Variants in COL13A1 observed in about 807,000 individuals in gnomAD.
The protein encoded by COL13A1 is collagen type XIII alpha 1 chain, also known as collagen alpha-1(XIII) chain.
A neutral mutation model predicts 130.9 loss-of-function variants in COL13A1; 89 were observed. The observed-to-expected ratio is 0.68, with a 90% confidence interval of 0.57 to 0.81. The LOEUF is 0.81. COL13A1 is among the 30% of genes least tolerant of loss of function. The pLI is 0.00. For synonymous variants in COL13A1, 402 were observed against 341.6 expected, an observed-to-expected ratio of 1.18 and a Z score of -1.95; for missense variants, 879 against 934.6, an observed-to-expected ratio of 0.94 and a Z score of 0.78.
intron 1 of COL13A1, among the ~76,000 whole-genome samples, chr10:69,813,845 G>A (rs551413444): frequency 8.0e-4 from 122 of 152,312 alleles, no homozygotes; most frequent in Non-Finnish European, 1.4e-3. Context: ...TGTAGCCCAT[G>A]GGGCCAGCAC....
chr10:69,873,724 G>A (rs769520043), intron 4 of COL13A1, among the ~76,000 whole-genome samples: 27 of 152,354 alleles, frequency 1.8e-4, no homozygotes, highest in Non-Finnish European at 2.9e-4. Context: ...GGGGTCCTTC[G>A]CAGGCAGAGC....
intron 36 of COL13A1, among the ~76,000 whole-genome samples, chr10:69,944,676 AAAAGAAAAAGAAAGAAAG>A (rs1415871843): frequency 7.9e-5 from 12 of 151,464 alleles, no homozygotes; most frequent in Non-Finnish European, 1.2e-4. Flanking sequence ...AAAAAAATGA[AAAAGAAAAAGAAAGAAAG>A]AAAGAAAAAG....
chr10:69,887,640 C>G lies in COL13A1; in HGVS notation c.549+149C>G, dbSNP rs538341590. 1.1e-4 allele frequency: 83 copies of G among 769,044 alleles called. No individual in the cohort carries two copies. In the East Asian group the frequency reaches 2.1e-3, roughly 20 times the overall value. 47.6% of individuals were successfully genotyped at this position (769,044 alleles called of 1,614,324 possible). The stretch of plus-strand genomic sequence containing the variant: ...TGCTTCTACAGCCATTCATGGACAC[C>G]AACTCAGGACAGTAGCTCAGCAGTC... On this transcript the variant is annotated intron_variant, in intron 8 of 40. Coordinates refer to ENST00000645393, the MANE Select transcript of COL13A1 (RefSeq NM_001368882.1).
chr10:69,866,854 G>C (rs1426232528), intron 2 of COL13A1, among the ~76,000 whole-genome samples: 1 of 152,106 alleles, frequency 6.6e-6, no homozygotes, highest in Admixed American at 6.5e-5. Context: ...TATTGGCCGA[G>C]CATAAAAGAA....
chr10:69,871,338 A>G (rs2059044500), intron 3 of COL13A1, among the ~76,000 whole-genome samples: 1 of 152,108 alleles, frequency 6.6e-6, no homozygotes, highest in Admixed American at 6.5e-5. Flanking sequence ...CACATTGCTG[A>G]GGCACTGGGG....
Position 69,927,150 on chromosome 10 carries a change from G to C in COL13A1, c.1422+40G>C, listed in dbSNP as rs567626075. 26 of 841,182 alleles carry C rather than the reference G, an allele frequency of 3.1e-5. No homozygotes were observed. The East Asian group carries it at 8.8e-4, about 29-fold the overall frequency. The allele number at this position is 841,182 out of a possible 1,614,324, so 52.1% of individuals were successfully genotyped here. ...TCCTGGCTTTCCTTGGGCACTGGAC[G>C]GGGGGGCTGGGGATGGCAGCCTGGA... On this transcript the variant is annotated intron_variant, in intron 27 of 40. Coordinates refer to ENST00000645393, the MANE Select transcript of COL13A1 (RefSeq NM_001368882.1).
intron 32 of COL13A1, among the ~76,000 whole-genome samples, chr10:69,936,121 GA>G (rs2066837698): frequency 1.1e-5 from 1 of 92,650 alleles, no homozygotes; most frequent in Non-Finnish European, 2.1e-5. Flanking sequence ...AGGAAGGAAG[GA>G]AGGAAAGAAG....
intron 31 of COL13A1, among the ~76,000 whole-genome samples, chr10:69,933,446 G>A (rs1430561280): frequency 5.9e-5 from 9 of 152,116 alleles, no homozygotes; most frequent in Non-Finnish European, 1.5e-5. Flanking sequence ...GCATATTTGC[G>A]GGCTCAGGGG....
chr10:69,942,904 G>A (rs1425898005), intron 35 of COL13A1, among the ~76,000 whole-genome samples: 4 of 152,222 alleles, frequency 2.6e-5, no homozygotes. Flanking sequence ...CTGGAGTGCA[G>A]TGGCGCAATC....
At chr10:69,814,717 C>A (rs1589188834) in intron 1 of COL13A1, among the ~76,000 whole-genome samples, 1 of 152,150 alleles carries the variant, frequency 6.6e-6, no homozygotes, top group Non-Finnish European at 1.5e-5. Flanking sequence ...CTCTGGCACT[C>A]CCAAGTGTAG....
chr10:69,814,800 C>A (rs1303755095), intron 1 of COL13A1, among the ~76,000 whole-genome samples: 4 of 152,100 alleles, frequency 2.6e-5, no homozygotes, highest in African/African-American at 9.7e-5. Flanking sequence ...AGTTTGGGGG[C>A]CATCTGTGCC....
chr10:69,863,814 T>G (rs61850375), intron 2 of COL13A1, among the ~76,000 whole-genome samples: 2 of 152,134 alleles, frequency 1.3e-5, no homozygotes, highest in Non-Finnish European at 2.9e-5. Context: ...TGGTGACTCA[T>G]GTGTATAATC....
chr10:69,944,694 GAAAGAAAAAGAA>G (rs370078177), intron 36 of COL13A1, among the ~76,000 whole-genome samples: 1 of 149,034 alleles, frequency 6.7e-6, no homozygotes, highest in African/African-American at 2.5e-5. Flanking sequence ...AAGAAAGAAA[GAAAGAAAAAGAA>G]AAAGAAAAAA....
chr10:69,829,911 C>CA (rs1848413513), intron 2 of COL13A1, among the ~76,000 whole-genome samples: 1 of 152,220 alleles, frequency 6.6e-6, no homozygotes, highest in Non-Finnish European at 1.5e-5. Context: ...CATTTCCTCC[C>CA]AAAAGCACTT....
chr10:69,884,506 A>G (rs1389415618), intron 7 of COL13A1, among the ~76,000 whole-genome samples: 1 of 152,190 alleles, frequency 6.6e-6, no homozygotes, highest in East Asian at 1.9e-4. Flanking sequence ...TCCAACAAGA[A>G]TCTTCTGTCT....
At chr10:69,888,213 C>A in intron 8 of COL13A1, 91 bp from the exon 9 acceptor site, 1 of 1,484,316 alleles carries the variant, frequency 6.7e-7, no homozygotes, top group Non-Finnish European at 9.3e-7. Context: ...TATCAGAATC[C>A]AGAATCTGTG....
chr10:69,802,764 C>G, intron 1 of COL13A1, 47 bp downstream of exon 1: 1 of 1,602,450 alleles, frequency 6.2e-7, no homozygotes, highest in Non-Finnish European at 8.5e-7. Flanking sequence ...GCGGCGCCCC[C>G]TCGCGCAGCC....
At chr10:69,923,503 G>A (rs1240556380) in intron 23 of COL13A1, among the ~76,000 whole-genome samples, 7 of 152,262 alleles carry the variant, frequency 4.6e-5, no homozygotes, top group Admixed American at 4.6e-4. Context: ...ATATCCACCT[G>A]CCATGGGCTG....
intron 40 of COL13A1, among the ~76,000 whole-genome samples, chr10:69,957,689 C>T (rs768920945): frequency 6.6e-6 from 1 of 152,222 alleles, no homozygotes; most frequent in Non-Finnish European, 1.5e-5. Context: ...TCAACCATGG[C>T]TCCCCAGAGC....
Sources: allele counts gnomAD v4.1 joint callset (sites outside exome capture counted in the v4.1 genomes callset), GRCh38; gene constraint gnomAD v4.1.1; transcripts MANE v1.5; gene names NCBI Gene and HGNC (gene_info 2026-07-23, HGNC 2026-07-21).